Variants in SLC25A21 observed in about 807,000 individuals in gnomAD.
SLC25A21 encodes the protein solute carrier family 25 member 21, also known as mitochondrial 2-oxodicarboxylate carrier.
SLC25A21 carries 47 observed loss-of-function variants against 43.8 expected under a neutral mutation model. The observed-to-expected ratio is 1.07, with a 90% CI of 0.85 to 1.37. The LOEUF (loss-of-function observed/expected upper bound fraction) is 1.37. Among genes scored for constraint, SLC25A21 ranks in the 40% most tolerant of loss-of-function variants. The probability of loss-of-function intolerance (pLI) is 0.00; values close to 1 mark genes in which losing one functional copy is unlikely to be tolerated. For missense variants in SLC25A21, 352 were observed against 350.2 expected (o/e 1.00, Z -0.04); for synonymous variants, 131 against 121.3 (o/e 1.08, Z -0.52).
intron 2 of SLC25A21, among the ~76,000 whole-genome samples, chr14:36,829,331 G>A (rs1427124969): frequency 1.3e-5 from 2 of 152,158 alleles, no homozygotes; most frequent in African/African-American, 2.4e-5. Flanking sequence ...CAAGAGGCAG[G>A]AGAATGGGTT....
intron 1 of SLC25A21, among the ~76,000 whole-genome samples, chr14:37,027,593 G>A (rs757901844): frequency 1.4e-4 from 21 of 152,146 alleles, no homozygotes; most frequent in Admixed American, 3.3e-4. Flanking sequence ...TGTGCTCAGC[G>A]GCTGTGGCAG....
intron 8 of SLC25A21, among the ~76,000 whole-genome samples, chr14:36,684,300 G>A (rs1016319098): frequency 1.3e-5 from 2 of 152,078 alleles, no homozygotes; most frequent in African/African-American, 4.8e-5. Context: ...GAGGGGCGAA[G>A]AAACAGAAAG....
chr14:36,739,233 T>C (rs1039903413), intron 3 of SLC25A21, among the ~76,000 whole-genome samples: 1 of 152,258 alleles, frequency 6.6e-6, no homozygotes, highest in African/African-American at 2.4e-5. Flanking sequence ...AAATACTATA[T>C]AACTGATAGA....
chr14:36,695,179 A>G (rs1037061172), intron 7 of SLC25A21, among the ~76,000 whole-genome samples: 1 of 152,116 alleles, frequency 6.6e-6, no homozygotes, highest in South Asian at 2.1e-4. Flanking sequence ...TCCTTTCCCC[A>G]TTTCTTGTTT....
chr14:36,747,918 G>C (rs139628948), intron 3 of SLC25A21, among the ~76,000 whole-genome samples: 7 of 152,170 alleles, frequency 4.6e-5, no homozygotes, highest in Non-Finnish European at 8.8e-5. Flanking sequence ...GAAAAGTGTG[G>C]TGACCGTTTG....
intron 1 of SLC25A21, among the ~76,000 whole-genome samples, chr14:37,135,005 G>A (rs112222684): frequency 0.02 from 3,040 of 150,876 alleles, 119 homozygotes; most frequent in African/African-American, 0.071. Flanking sequence ...TCGGCTCACT[G>A]CAGCCTCCAC....
At chr14:36,953,481 A>G (rs1346774970) in intron 1 of SLC25A21, among the ~76,000 whole-genome samples, 4 of 152,226 alleles carry the variant, frequency 2.6e-5, no homozygotes, top group East Asian at 1.9e-4. Flanking sequence ...GAAGTTTATA[A>G]GTGGTTAGCT....
chr14:36,993,921 A>C (rs1960317206), intron 1 of SLC25A21, among the ~76,000 whole-genome samples: 1 of 152,206 alleles, frequency 6.6e-6, no homozygotes. Flanking sequence ...TAAGTCTAAA[A>C]GGAAAACATT....
intron 1 of SLC25A21, among the ~76,000 whole-genome samples, chr14:37,081,167 T>C (rs573334639): frequency 6.6e-6 from 1 of 152,292 alleles, no homozygotes; most frequent in South Asian, 2.1e-4. Flanking sequence ...CTCAACTTTA[T>C]TTGGGAACGT....
intron 1 of SLC25A21, among the ~76,000 whole-genome samples, chr14:36,996,097 C>T (rs1960366310): frequency 1.3e-5 from 2 of 152,158 alleles, no homozygotes; most frequent in South Asian, 2.1e-4. Flanking sequence ...TCCAACTATT[C>T]TGTTTTCACC....
intron 1 of SLC25A21, among the ~76,000 whole-genome samples, chr14:37,066,190 T>A (rs1962056963): frequency 1.3e-5 from 2 of 152,162 alleles, no homozygotes; most frequent in Admixed American, 6.5e-5. Flanking sequence ...GCTGTCTTCT[T>A]GCCAAAAATG....
chr14:37,040,780 A>G (rs895323384), intron 1 of SLC25A21, among the ~76,000 whole-genome samples: 5 of 151,962 alleles, frequency 3.3e-5, no homozygotes, highest in Non-Finnish European at 7.4e-5. Context: ...AAAGTGACAG[A>G]GACAGGAAAT....
intron 2 of SLC25A21, among the ~76,000 whole-genome samples, chr14:36,817,960 T>C (rs1186771227): frequency 6.6e-6 from 1 of 152,228 alleles, no homozygotes; most frequent in Admixed American, 6.5e-5. Context: ...TCCAATCTAT[T>C]GTTCATTCAG....
At chr14:37,023,159 A>C (rs1230507028) in intron 1 of SLC25A21, among the ~76,000 whole-genome samples, 1 of 151,966 alleles carries the variant, frequency 6.6e-6, no homozygotes, top group East Asian at 1.9e-4. Context: ...GCTGAGTGAC[A>C]TTCTATAACC....
At chr14:37,119,646 C>T (rs7159967) in intron 1 of SLC25A21, among the ~76,000 whole-genome samples, 143,186 of 152,256 alleles carry the variant, frequency 0.94, 67,465 homozygotes, top group East Asian at 1. Flanking sequence ...GGAGTAGCCA[C>T]TATTTATTCC....
chr14:36,941,814 G>C (rs1453948092), intron 1 of SLC25A21, among the ~76,000 whole-genome samples: 1 of 151,912 alleles, frequency 6.6e-6, no homozygotes, highest in Non-Finnish European at 1.5e-5. Flanking sequence ...CATAATTTTA[G>C]AGGTTGTGTG....
intron 1 of SLC25A21, among the ~76,000 whole-genome samples, chr14:37,147,250 T>C (rs1963681435): frequency 1.3e-5 from 2 of 152,230 alleles, no homozygotes; most frequent in African/African-American, 4.8e-5. Context: ...AGGACTTACA[T>C]TTCACATAGT....
intron 3 of SLC25A21, among the ~76,000 whole-genome samples, chr14:36,796,447 C>A (rs1887676712): frequency 6.6e-6 from 1 of 151,438 alleles, no homozygotes; most frequent in Middle Eastern, 3.4e-3. Flanking sequence ...CCAAATCTAT[C>A]TTTAAACAGA....
At position 36,679,301 on chromosome 14, in the gene SLC25A21, T is replaced by C; in HGVS notation, c.*1357A>G. The C allele has an allele frequency of 2.1e-6, 2 of 975,002 alleles. No homozygotes were observed. Among genetic ancestry groups the C allele is most frequent in the Non-Finnish European group, 2.4e-6 (2 of 820,498 alleles). 60.4% of individuals were successfully genotyped at this position (975,002 alleles called of 1,614,324 possible). ...CAGAAGGCTATGTATGTATATACAG[T>C]ATGTCAAAAGCCTTTTATTTTTATA... On this transcript the variant is annotated 3_prime_UTR_variant, in exon 10 of 10. Transcript: ENST00000331299.
Sources: allele counts gnomAD v4.1 joint callset (sites outside exome capture counted in the v4.1 genomes callset), GRCh38; gene constraint gnomAD v4.1.1; transcripts MANE v1.5; gene names NCBI Gene and HGNC (gene_info 2026-07-23, HGNC 2026-07-21).